Variants in MED12L observed in about 807,000 individuals in gnomAD.
The protein encoded by MED12L is mediator complex subunit 12L.
In MED12L, 60 loss-of-function variants were observed where a neutral mutation model predicts 281.3. The observed-to-expected ratio is 0.21, with a 90% confidence interval of 0.17 to 0.26. The LOEUF (loss-of-function observed/expected upper bound fraction) is 0.26. Among genes scored for constraint, MED12L ranks in the 10% least tolerant of loss-of-function variants. The pLI is 1.00. For synonymous variants in MED12L, 974 were observed against 987.2 expected, an observed-to-expected ratio of 0.99 and a Z score of 0.25; for missense variants, 2,146 against 2,680.9, an observed-to-expected ratio of 0.80 and a Z score of 4.41.
At chr3:151,389,211 T>A (rs1713857175) in intron 37 of MED12L, among the ~76,000 whole-genome samples, 4 of 152,212 alleles carry the variant, frequency 2.6e-5, no homozygotes, top group Admixed American at 2.6e-4. Context: ...AGCCTGTCAG[T>A]CCACGTGGAT....
chr3:151,115,506 G>A (rs1237516317), intron 2 of MED12L, among the ~76,000 whole-genome samples: 1 of 151,106 alleles, frequency 6.6e-6, no homozygotes, highest in African/African-American at 2.4e-5. Flanking sequence ...CTGCCACCAC[G>A]CCCAGCTAAT....
At chr3:151,199,557 C>G (rs1002492520) in intron 16 of MED12L, 2 of 600,706 alleles carry the variant, frequency 3.3e-6, no homozygotes, top group African/African-American at 3.7e-5. Flanking sequence ...TATTGGTGAA[C>G]TTACCAGACC....
intron 16 of MED12L, among the ~76,000 whole-genome samples, chr3:151,320,724 C>T (rs1161595001): frequency 6.6e-6 from 1 of 152,136 alleles, no homozygotes; most frequent in African/African-American, 2.4e-5. Context: ...GACTGTTGTC[C>T]TTTTACTGAT....
In MED12L at chr3:151,368,600, ATTTTATTTTATTTTATTT is replaced by A. The variant is rs1206369144; in HGVS notation, c.3550+351_3550+368del. Among the ~76,000 whole-genome samples the A allele has an allele frequency of 1.6e-4, 10 of 62,006 alleles. No individual in the cohort carries two copies. The South Asian group carries it at 5.8e-3, about 36-fold the overall frequency. 40.7% of individuals were successfully genotyped at this position (62,006 alleles called of 152,430 possible). A position where few individuals can be genotyped will look rare whatever the true frequency, so the allele number is the denominator to read the frequency against. On this transcript the variant is annotated intron_variant, in intron 25 of 44. Transcript: ENST00000687756. Reference sequence around the variant, plus strand: ...GGGCAATGGTGATTTATTTTATTTTATTTTATTTTATTTTATTTTATTTTATTTTATTTCATTTCATTT... The same window carrying A: ...GGGCAATGGTGATTTATTTTATTTTATATTTTATTTTATTTCATTTCATTT...
At chr3:151,361,466 T>C (rs1356449770) in intron 21 of MED12L, among the ~76,000 whole-genome samples, 1 of 152,164 alleles carries the variant, frequency 6.6e-6, no homozygotes, top group Non-Finnish European at 1.5e-5. Context: ...AAAAAGGTAC[T>C]GTAAATTCTG....
chr3:151,364,148 T>G (rs1030376127), intron 21 of MED12L, among the ~76,000 whole-genome samples: 1 of 152,202 alleles, frequency 6.6e-6, no homozygotes, highest in African/African-American at 2.4e-5. Context: ...CTACAGAAGG[T>G]AAGCACAAAT....
At chr3:151,141,917 C>A (rs932824996) in intron 5 of MED12L, among the ~76,000 whole-genome samples, 1 of 152,162 alleles carries the variant, frequency 6.6e-6, no homozygotes, top group Non-Finnish European at 1.5e-5. Context: ...AATGTTCACT[C>A]CCACTTGAAT....
At chr3:151,371,506 A>G (rs1756183185) in intron 26 of MED12L, among the ~76,000 whole-genome samples, 2 of 152,174 alleles carry the variant, frequency 1.3e-5, no homozygotes, top group African/African-American at 4.8e-5. Flanking sequence ...GAAATACATT[A>G]TTTATTCCTC....
intron 5 of MED12L, among the ~76,000 whole-genome samples, chr3:151,147,601 A>T (rs897735981): frequency 7.2e-5 from 11 of 152,212 alleles, no homozygotes. Flanking sequence ...ATATAAATGG[A>T]ATTATACAAC....
intron 16 of MED12L, among the ~76,000 whole-genome samples, chr3:151,305,654 CAATA>C (rs1372980666): frequency 6.6e-6 from 1 of 151,478 alleles, no homozygotes; most frequent in Non-Finnish European, 1.5e-5. Flanking sequence ...ATATCAAATA[CAATA>C]GAAACTGAAA....
At chr3:151,417,487 C>CCCTTTTT in intron 43 of MED12L, among the ~76,000 whole-genome samples, 1 of 78,816 alleles carries the variant, frequency 1.3e-5, no homozygotes, top group African/African-American at 5.0e-5. Context: ...CCCCCCCCGC[C>CCCTTTTT]TTTTTTTTTT....
chr3:151,216,672 C>T (rs993240548), intron 16 of MED12L, among the ~76,000 whole-genome samples: 1 of 152,170 alleles, frequency 6.6e-6, no homozygotes, highest in Non-Finnish European at 1.5e-5. Flanking sequence ...CTTCCTCTTC[C>T]CTGTAGCCTT....
intron 16 of MED12L, among the ~76,000 whole-genome samples, chr3:151,333,907 G>A (rs887009140): frequency 3.3e-5 from 5 of 150,074 alleles, no homozygotes; most frequent in East Asian, 1.9e-4. Flanking sequence ...GTGAAACCCC[G>A]TCTCTACTAA....
chr3:151,388,176 A>G lies in MED12L; in HGVS notation c.5451+4A>G. 1 of 1,588,538 alleles carries G rather than the reference A, an allele frequency of 6.3e-7. No homozygotes were observed. The highest frequency in any genetic ancestry group is 8.5e-7 in the Non-Finnish European group (1 of 1,172,678). On this transcript the variant is annotated splice_donor_region_variant and intron_variant, in intron 37 of 44. Coordinates refer to ENST00000687756, the MANE Select transcript of MED12L (RefSeq NM_001393769.1). The stretch of plus-strand genomic sequence containing the variant: ...GAAATCTAGCTCAAGAGTTGATGTA[A>G]GTGGGGAAAGGAAGGAGAACCTTGG...
rs546988401 is a variant in MED12L at position 151,334,770 on chromosome 3, G to C, written c.2251-15289G>C. Reference sequence around the variant, plus strand: ...CTGCCTCGGCCTCCCAAAGTACTGGGATTACAGGTGTGAGCCACTGCACCA... The same window carrying C: ...CTGCCTCGGCCTCCCAAAGTACTGGCATTACAGGTGTGAGCCACTGCACCA... On this transcript the variant is annotated intron_variant, in intron 16 of 44. Coordinates refer to ENST00000687756, the MANE Select transcript of MED12L (RefSeq NM_001393769.1). 2.6e-5 allele frequency among the ~76,000 whole-genome samples: 4 copies of C among 152,242 alleles called. No homozygotes were observed. In the South Asian group the frequency reaches 8.3e-4, roughly 32 times the overall value.
intron 2 of MED12L, among the ~76,000 whole-genome samples, chr3:151,096,393 C>CT (rs1410542046): frequency 2.6e-5 from 4 of 152,072 alleles, no homozygotes; most frequent in South Asian, 2.1e-4. Flanking sequence ...CACCCACCCC[C>CT]TTTTTTTTCC....
chr3:151,229,550 C>T (rs1334447409), intron 16 of MED12L, among the ~76,000 whole-genome samples: 1 of 140,402 alleles, frequency 7.1e-6, no homozygotes, highest in Non-Finnish European at 1.5e-5. Flanking sequence ...ACGATCTTGG[C>T]TCACTGCAAG....
rs1719701187 is a variant in MED12L, at chr3:151,432,952, AAAG to A, written c.*149_*151del. 4 of 611,396 alleles carry A rather than the reference AAAG, an allele frequency of 6.5e-6. No individual in the cohort carries two copies. The highest frequency in any genetic ancestry group is 6.0e-5 in the East Asian group (2 of 33,384). 37.9% of individuals were successfully genotyped at this position (611,396 alleles called of 1,614,324 possible). On this transcript the variant is annotated 3_prime_UTR_variant, in exon 45 of 45. Transcript: ENST00000687756. ...TATGCTACATCTCACAAAAAAAAAA[AAAG>A]GTGTTTAAACAAAAAGCCAAGGAGA...
intron 43 of MED12L, among the ~76,000 whole-genome samples, chr3:151,421,602 G>C (rs1292620530): frequency 6.6e-6 from 1 of 151,942 alleles, no homozygotes; most frequent in African/African-American, 2.4e-5. Flanking sequence ...GTAGAGATGG[G>C]GTTTCACCAT....
Sources: allele counts gnomAD v4.1 joint callset (sites outside exome capture counted in the v4.1 genomes callset), GRCh38; gene constraint gnomAD v4.1.1; transcripts MANE v1.5; gene names NCBI Gene and HGNC (gene_info 2026-07-23, HGNC 2026-07-21).